ST6GALNAC3: variants seen among roughly 807,000 people sequenced by gnomAD.
The protein encoded by ST6GALNAC3 is ST6 N-acetylgalactosaminide alpha-2,6-sialyltransferase 3.
Under a neutral mutation model 32.7 loss-of-function variants are expected in ST6GALNAC3, and 25 were observed. The ratio of observed to expected loss-of-function variants is 0.76; its 90% CI spans 0.56 to 1.07. The LOEUF (loss-of-function observed/expected upper bound fraction) is 1.07. Among genes scored for constraint, ST6GALNAC3 ranks in the 50% least tolerant of loss-of-function variants. The pLI, the probability that ST6GALNAC3 is intolerant of heterozygous loss-of-function variation, is 0.00. For missense variants in ST6GALNAC3, 355 were observed against 382.4 expected, an observed-to-expected ratio of 0.93 and a Z score of 0.60; for synonymous variants, 129 against 133.1, an observed-to-expected ratio of 0.97 and a Z score of 0.21.
intron 2 of ST6GALNAC3, among the ~76,000 whole-genome samples, chr1:76,346,600 G>A (rs1384102830): frequency 6.6e-6 from 1 of 152,222 alleles, no homozygotes; most frequent in Non-Finnish European, 1.5e-5. Context: ...TGGCTGCAAT[G>A]CACAGCTACA....
chr1:76,389,800 A>G (rs1652393491), intron 2 of ST6GALNAC3, among the ~76,000 whole-genome samples: 1 of 152,242 alleles, frequency 6.6e-6, no homozygotes, highest in Non-Finnish European at 1.5e-5. Context: ...ATCAAATAAA[A>G]AGTGAAAAAA....
intron 2 of ST6GALNAC3, among the ~76,000 whole-genome samples, chr1:76,324,910 T>G (rs914155289): frequency 6.6e-6 from 1 of 152,220 alleles, no homozygotes; most frequent in Non-Finnish European, 1.5e-5. Flanking sequence ...ATTATTGCAC[T>G]TTCATTTTTT....
intron 1 of ST6GALNAC3, among the ~76,000 whole-genome samples, chr1:76,185,977 TA>T (rs1258791995): frequency 6.6e-6 from 1 of 152,232 alleles, no homozygotes; most frequent in Non-Finnish European, 1.5e-5. Flanking sequence ...GTGTGTAGGT[TA>T]TATGCAAATA....
chr1:76,108,610 A>G (rs57217665), intron 1 of ST6GALNAC3, among the ~76,000 whole-genome samples: 3,901 of 152,300 alleles, frequency 0.026, 120 homozygotes, highest in Admixed American at 0.073. Flanking sequence ...GTGTGGAATT[A>G]CTTATGATCA....
At chr1:76,459,343 T>A (rs928497926) in intron 3 of ST6GALNAC3, among the ~76,000 whole-genome samples, 1 of 152,118 alleles carries the variant, frequency 6.6e-6, no homozygotes, top group Non-Finnish European at 1.5e-5. Flanking sequence ...GGCAGGCGGA[T>A]CATGAGGTCA....
chr1:76,372,944 AT>A (rs951418896), intron 2 of ST6GALNAC3, among the ~76,000 whole-genome samples: 87 of 151,856 alleles, frequency 5.7e-4, no homozygotes, highest in Middle Eastern at 3.4e-3. Context: ...TATTTAAAAT[AT>A]TTTTTTTAAT....
At chr1:76,344,882 T>C (rs555773751) in intron 2 of ST6GALNAC3, among the ~76,000 whole-genome samples, 1 of 152,242 alleles carries the variant, frequency 6.6e-6, no homozygotes, top group African/African-American at 2.4e-5. Context: ...TGTCTAATGT[T>C]TCTCTACTGC....
intron 1 of ST6GALNAC3, among the ~76,000 whole-genome samples, chr1:76,075,336 T>C (rs1646799740): frequency 1.3e-5 from 2 of 152,100 alleles, no homozygotes; most frequent in Admixed American, 1.3e-4. Flanking sequence ...CTACTGTGCA[T>C]TTGATCATGT....
At chr1:76,264,056 T>C (rs1054875307) in intron 1 of ST6GALNAC3, among the ~76,000 whole-genome samples, 2 of 152,196 alleles carry the variant, frequency 1.3e-5, no homozygotes, top group African/African-American at 4.8e-5. Flanking sequence ...GTTATTATTT[T>C]GTACAATATA....
rs531147622 is a variant in ST6GALNAC3, at chr1:76,250,261, C to T, written c.19-63544C>T. Among the ~76,000 whole-genome samples, 43 of 152,274 alleles carry T rather than the reference C, an allele frequency of 2.8e-4. 2 individuals are homozygous for T. In the East Asian group the frequency reaches 7.5e-3, roughly 27 times the overall value. ...CAATTTCTAAGCAGTTCTTGTCAGG[C>T]TTCAATGGCTTCCAGACAAAGTTTT... is the stretch of plus-strand genomic sequence containing the variant. On this transcript the variant is annotated intron_variant, in intron 1 of 4. Transcript: ENST00000328299.
intron 1 of ST6GALNAC3, among the ~76,000 whole-genome samples, chr1:76,212,089 A>G (rs1321536221): frequency 6.6e-6 from 1 of 152,222 alleles, no homozygotes; most frequent in Non-Finnish European, 1.5e-5. Context: ...AGTAGATATT[A>G]GAACAAAAAC....
chr1:76,572,480 T>C (rs1364533739), intron 3 of ST6GALNAC3, among the ~76,000 whole-genome samples: 1 of 152,128 alleles, frequency 6.6e-6, no homozygotes, highest in Non-Finnish European at 1.5e-5. Flanking sequence ...CCAAGAATAG[T>C]TAATTGTCCA....
intron 2 of ST6GALNAC3, among the ~76,000 whole-genome samples, chr1:76,391,329 G>C (rs1652528269): frequency 6.6e-6 from 1 of 152,190 alleles, no homozygotes; most frequent in South Asian, 2.1e-4. Flanking sequence ...GTTCCTGTGT[G>C]TGAAAAGCTT....
intron 3 of ST6GALNAC3, among the ~76,000 whole-genome samples, chr1:76,501,993 A>G (rs1023494567): frequency 5.3e-5 from 8 of 152,192 alleles, no homozygotes; most frequent in Non-Finnish European, 1.0e-4. Context: ...ATCAAGCATC[A>G]CATACTCCCA....
At chr1:76,194,498 AC>A (rs1333623255) in intron 1 of ST6GALNAC3, among the ~76,000 whole-genome samples, 1 of 150,720 alleles carries the variant, frequency 6.6e-6, no homozygotes, top group African/African-American at 2.4e-5. Flanking sequence ...GTAATAATAA[AC>A]CCATTACATG....
rs138310835 is a variant in ST6GALNAC3, at chr1:76,487,000, G to A, written c.623+74583G>A. ...TCATTTGTGAAGCTTAGTTTGGCTG[G>A]ATATGAAATTCTGGATTGAAAATTC... On this transcript the variant is annotated intron_variant, in intron 3 of 4. Coordinates refer to ENST00000328299, the MANE Select transcript of ST6GALNAC3 (RefSeq NM_152996.4). 4.5e-3 allele frequency among the ~76,000 whole-genome samples: 688 copies of A among 152,262 alleles called. 7 individuals are homozygous for A. Among genetic ancestry groups the A allele is most frequent in the Middle Eastern group, 6.8e-3 (2 of 294 alleles).
At chr1:76,145,904 TA>T (rs1332239595) in intron 1 of ST6GALNAC3, among the ~76,000 whole-genome samples, 2 of 152,236 alleles carry the variant, frequency 1.3e-5, no homozygotes, top group African/African-American at 4.8e-5. Flanking sequence ...GTGATTAATT[TA>T]AAAATTTGCT....
At position 76,386,065 on chromosome 1, in the gene ST6GALNAC3, G is replaced by T. The variant is rs558895704; in HGVS notation, c.214-25943G>T. Among the ~76,000 whole-genome samples, 3 of 151,886 alleles carry T rather than the reference G, an allele frequency of 2.0e-5. No individual in the cohort carries two copies. The South Asian group carries it at 6.2e-4, about 32-fold the overall frequency. On this transcript the variant is annotated intron_variant, in intron 2 of 4. Coordinates refer to ENST00000328299, the MANE Select transcript of ST6GALNAC3 (RefSeq NM_152996.4). ...TATTCATGTTCTTTATTTAAGTTGG[G>T]AACTTCTAGCAAGGTTATGTGTGTG... is the stretch of plus-strand genomic sequence containing the variant.
chr1:76,102,743 C>T (rs921762569), intron 1 of ST6GALNAC3, among the ~76,000 whole-genome samples: 3 of 151,898 alleles, frequency 2.0e-5, no homozygotes, highest in African/African-American at 7.3e-5. Context: ...ATTATTATTG[C>T]TTTATTCAGT....
Sources: allele counts gnomAD v4.1 joint callset (sites outside exome capture counted in the v4.1 genomes callset), GRCh38; gene constraint gnomAD v4.1.1; transcripts MANE v1.5; gene names NCBI Gene and HGNC (gene_info 2026-07-23, HGNC 2026-07-21).